The following STAU2 variants were observed in gnomAD, a reference collection of about 807,000 sequenced individuals.
STAU2 encodes the protein double-stranded RNA-binding protein Staufen homolog 2.
A neutral mutation model predicts 65.9 loss-of-function variants in STAU2; 20 were observed. That is an observed-to-expected ratio of 0.30 (90% CI 0.21 to 0.44). The LOEUF is 0.44. STAU2 is among the 20% of genes least tolerant of loss of function. STAU2 has a pLI of 1.00. For synonymous variants in STAU2, 232 were observed against 233.9 expected, an observed-to-expected ratio of 0.99 and a Z score of 0.07; for missense variants, 558 against 683.9, an observed-to-expected ratio of 0.82 and a Z score of 2.05.
At chr8:73,464,786 AACAGAAAGGAAGTTGGGAGGTTAG>A (rs1819560577) in intron 13 of STAU2, among the ~76,000 whole-genome samples, 1 of 152,260 alleles carries the variant, frequency 6.6e-6, no homozygotes, top group South Asian at 2.1e-4. Context: ...TAACATGCTT[AACAGAAAGGAAGTTGGGAGGTTAG>A]ATGAAGTTAT....
intron 13 of STAU2, among the ~76,000 whole-genome samples, chr8:73,432,089 A>G (rs1817341167): frequency 6.6e-6 from 1 of 152,234 alleles, no homozygotes; most frequent in Non-Finnish European, 1.5e-5. Context: ...GGTTCCCAGA[A>G]ATAGACAAGT....
At chr8:73,723,574 T>C (rs1407619267) in intron 3 of STAU2, among the ~76,000 whole-genome samples, 1 of 152,256 alleles carries the variant, frequency 6.6e-6, no homozygotes, top group East Asian at 1.9e-4. Flanking sequence ...CTTCTTTCTC[T>C]ATGCTTCATT....
At chr8:73,670,308 A>C (rs879913519) in intron 6 of STAU2, 1 of 152,220 alleles carries the variant, frequency 6.6e-6, no homozygotes, top group Non-Finnish European at 1.5e-5. Flanking sequence ...AAGGAAGCCA[A>C]GAAAAGCTGA....
intron 6 of STAU2, chr8:73,651,208 G>C: frequency 1.1e-6 from 1 of 890,642 alleles, no homozygotes; most frequent in Non-Finnish European, 1.8e-6. Context: ...CATCAAGGAG[G>C]CTAGGTCCTC....
chr8:73,634,867 T>A (rs1402499352), intron 6 of STAU2, among the ~76,000 whole-genome samples: 2 of 152,236 alleles, frequency 1.3e-5, no homozygotes, highest in Non-Finnish European at 2.9e-5. Flanking sequence ...CCCATCCTTT[T>A]ACTCAAACAG....
At chr8:73,424,103 G>A (rs1275475771) in intron 13 of STAU2, among the ~76,000 whole-genome samples, 1 of 127,954 alleles carries the variant, frequency 7.8e-6, no homozygotes, top group South Asian at 2.4e-4. Flanking sequence ...TTTTACCATC[G>A]CTACAGTTTT....
intron 3 of STAU2, among the ~76,000 whole-genome samples, chr8:73,718,201 CTAATA>C (rs1821388732): frequency 6.6e-6 from 1 of 152,104 alleles, no homozygotes; most frequent in African/African-American, 2.4e-5. Context: ...GTATGTATTA[CTAATA>C]TATGTTACTG....
chr8:73,454,008 A>G (rs1818935127), intron 13 of STAU2, among the ~76,000 whole-genome samples: 1 of 152,174 alleles, frequency 6.6e-6, no homozygotes, highest in African/African-American at 2.4e-5. Context: ...CTTTTACTAA[A>G]TGTTGTGTTC....
At chr8:73,641,371 A>C (rs76927576) in intron 6 of STAU2, among the ~76,000 whole-genome samples, 2 of 146,396 alleles carry the variant, frequency 1.4e-5, no homozygotes, top group Non-Finnish European at 3.0e-5. Flanking sequence ...CTACCCTTGC[A>C]AAAAAAAAAA....
At chr8:73,590,745 A>G (rs1410741306) in intron 11 of STAU2, 1 of 152,966 alleles carries the variant, frequency 6.5e-6, no homozygotes, top group Non-Finnish European at 1.5e-5. Flanking sequence ...GTGGCATGCC[A>G]TGAAGCTGCT....
At chr8:73,688,010 G>A (rs928541884) in intron 5 of STAU2, among the ~76,000 whole-genome samples, 32 of 149,166 alleles carry the variant, frequency 2.1e-4, no homozygotes, top group Admixed American at 2.0e-3. Context: ...CACCGCGCCC[G>A]GCCTACTATC....
intron 13 of STAU2, among the ~76,000 whole-genome samples, chr8:73,426,072 C>T (rs1057507400): frequency 6.6e-6 from 1 of 152,202 alleles, no homozygotes; most frequent in African/African-American, 2.4e-5. Context: ...GGATTACAGG[C>T]ATGCGCCTCT....
upstream of STAU2, chr8:73,746,884 GCCCCCCGCCT>G: frequency 1.1e-6 from 1 of 870,276 alleles, no homozygotes; most frequent in Non-Finnish European, 1.5e-6. Context: ...CGGGCTCCCC[GCCCCCCGCCT>G]CCGCCCGCCT....
In STAU2 at chr8:73,434,800, G is replaced by A. The variant is rs906293834; in HGVS notation, c.1531-12098C>T. 7.1e-4 allele frequency among the ~76,000 whole-genome samples: 108 copies of A among 151,520 alleles called. 7 individuals carry two copies. Among genetic ancestry groups the A allele is most frequent in the Non-Finnish European group, 7.4e-5 (5 of 67,964 alleles). The stretch of plus-strand genomic sequence containing the variant: ...TAAGTTCAATTTCCTTTGTATTTTT[G>A]TTCATTCCTTCAGCCCATTGCTCTC... On this transcript the variant is annotated intron_variant, in intron 13 of 14. Coordinates refer to ENST00000524300, the MANE Select transcript of STAU2 (RefSeq NM_001164380.2).
chr8:73,583,005 T>C (rs370078654), intron 11 of STAU2, among the ~76,000 whole-genome samples, 175 bp from the exon 12 acceptor site: 23 of 152,332 alleles, frequency 1.5e-4, no homozygotes, highest in East Asian at 1.2e-3. Flanking sequence ...AAGGGTATCA[T>C]TTATTCCTTT....
At chr8:73,566,392 A>G (rs1808614880) in intron 12 of STAU2, among the ~76,000 whole-genome samples, 1 of 152,216 alleles carries the variant, frequency 6.6e-6, no homozygotes, top group African/African-American at 2.4e-5. Flanking sequence ...GTGTTTTTAC[A>G]TGATCCACCC....
chr8:73,556,802 G>A (rs1032298767), intron 12 of STAU2, among the ~76,000 whole-genome samples: 1 of 152,136 alleles, frequency 6.6e-6, no homozygotes, highest in Non-Finnish European at 1.5e-5. Context: ...TGGTTGTCTG[G>A]GGAGTGGAGC....
intron 13 of STAU2, among the ~76,000 whole-genome samples, chr8:73,441,865 C>G (rs902408239): frequency 6.6e-6 from 1 of 152,094 alleles, no homozygotes; most frequent in Non-Finnish European, 1.5e-5. Context: ...TGTTTTATGT[C>G]AATTATATTA....
rs543471959 is a variant in STAU2 at position 73,666,511 on chromosome 8, G to C, written c.410+6596C>G. On this transcript the variant is annotated intron_variant, in intron 6 of 14. Transcript: ENST00000524300. ...AGCCTTAAGTAAGTGTCTAATTCTG[G>C]CCATAGAAACAAGTAACATTCAGGC... Among the ~76,000 whole-genome samples the C allele has an allele frequency of 1.1e-3, 170 of 152,240 alleles. 2 individuals carry two copies. The highest frequency in any genetic ancestry group is 4.0e-3 in the African/African-American group (165 of 41,564).
Sources: gnomAD v4.1 joint callset for allele counts (sites outside exome capture counted in the v4.1 genomes callset) on GRCh38, gnomAD v4.1.1 for gene constraint, MANE v1.5 for transcripts, NCBI Gene and HGNC (gene_info 2026-07-23, HGNC 2026-07-21) for gene names.